PCDH11X: variants seen among roughly 807,000 people sequenced by gnomAD.
The protein encoded by PCDH11X is protocadherin-11 X-linked.
In PCDH11X, 18 loss-of-function variants were observed where a neutral mutation model predicts 53.3. The ratio of observed to expected loss-of-function variants is 0.34; its 90% CI spans 0.23 to 0.50. PCDH11X has a LOEUF of 0.50. Ranked by LOEUF, PCDH11X falls within the 20% of genes least tolerant of loss-of-function variation. The probability of loss-of-function intolerance (pLI) is 0.98; values close to 1 mark genes in which losing one functional copy is unlikely to be tolerated. For missense variants in PCDH11X, 570 were observed against 1,032.4 expected (o/e 0.55, Z 6.14); for synonymous variants, 279 against 393.3 (o/e 0.71, Z 3.44).
intron 4 of PCDH11X, among the ~76,000 whole-genome samples, chrX:91,823,359 T>G (rs1272133029): frequency 9.0e-6 from 1 of 110,972 alleles, no homozygotes; most frequent in Non-Finnish European, 1.9e-5. Flanking sequence ...TGGGTGCTCC[T>G]GTATTGGGTG....
At chrX:92,070,304 T>C (rs2063680022) in intron 6 of PCDH11X, among the ~76,000 whole-genome samples, 2 of 111,961 alleles carry the variant, frequency 1.8e-5, no homozygotes, top group South Asian at 7.3e-4. Flanking sequence ...TCTTGCTCAT[T>C]GTCATCCTTT....
intron 7 of PCDH11X, among the ~76,000 whole-genome samples, chrX:92,219,721 A>G (rs2066819302): frequency 1.1e-5 from 1 of 94,157 alleles, no homozygotes; most frequent in Admixed American, 1.2e-4. Context: ...TGGAACCAAA[A>G]AAGAGCACGC....
intron 10 of PCDH11X, among the ~76,000 whole-genome samples, chrX:92,542,102 A>T (rs2074768711): frequency 8.9e-6 from 1 of 111,924 alleles, no homozygotes; most frequent in Non-Finnish European, 1.9e-5. Flanking sequence ...ATTTTATAGC[A>T]TATTCTCACA....
chrX:91,825,538 G>A (rs765575013), intron 4 of PCDH11X, among the ~76,000 whole-genome samples: 9 of 111,636 alleles, frequency 8.1e-5, no homozygotes, highest in African/African-American at 2.3e-4. Flanking sequence ...TTCAGCTCGC[G>A]CACGGTGCGC....
At chrX:92,100,508 A>C (rs1380979061) in intron 6 of PCDH11X, among the ~76,000 whole-genome samples, 1 of 110,278 alleles carries the variant, frequency 9.1e-6, no homozygotes, top group Non-Finnish European at 1.9e-5. Flanking sequence ...TTCACAAGGT[A>C]ATGTCATCAC....
intron 6 of PCDH11X, among the ~76,000 whole-genome samples, chrX:92,173,079 G>A (rs2065848649): frequency 9.0e-6 from 1 of 111,513 alleles, no homozygotes; most frequent in African/African-American, 3.3e-5. Flanking sequence ...ATATTTCCTA[G>A]CTTTAGGTTG....
At chrX:91,944,565 C>T (rs1250054112) in intron 6 of PCDH11X, among the ~76,000 whole-genome samples, 1 of 106,371 alleles carries the variant, frequency 9.4e-6, no homozygotes, top group African/African-American at 3.4e-5. Flanking sequence ...CCTCATTTTT[C>T]TTAGATTTTT....
At chrX:92,422,743 A>G (rs2072000353) in intron 9 of PCDH11X, among the ~76,000 whole-genome samples, 1 of 112,016 alleles carries the variant, frequency 8.9e-6, no homozygotes, top group Non-Finnish European at 1.9e-5. Context: ...AATGTTTTCC[A>G]TAGTGGTTGT....
intron 8 of PCDH11X, among the ~76,000 whole-genome samples, chrX:92,281,266 A>G (rs895578917): frequency 8.9e-6 from 1 of 111,820 alleles, no homozygotes; most frequent in Non-Finnish European, 1.9e-5. Context: ...AAACACACAT[A>G]CACACGCATA....
intron 10 of PCDH11X, among the ~76,000 whole-genome samples, chrX:92,535,374 A>G (rs2074638491): frequency 9.0e-6 from 1 of 111,603 alleles, no homozygotes; most frequent in Admixed American, 9.5e-5. Flanking sequence ...CTTTGGAGGA[A>G]CACAGATGAA....
rs757411116 is a variant in PCDH11X, at chrX:92,618,471, C to T, written c.3575C>T (p.Thr1192Ile). 1 of 1,211,850 alleles carries T rather than the reference C, an allele frequency of 8.3e-7. No homozygotes were observed. The highest frequency in any genetic ancestry group is 1.1e-6 in the Non-Finnish European group (1 of 895,470). The change falls in exon 11 of 11, where the codon ACC (threonine) becomes ATC (isoleucine). Residue 1192 changes from threonine to isoleucine, a missense_variant. This residue lies in a region of PCDH11X where 234 missense variants were observed against 296.1 expected (regional missense o/e 0.79). Transcript: ENST00000682573. ...CACCACAGCCCACGAGTGACACAGA[C>T]CATTGCTCTCTGCCACAGCCCTCCA... ...TQHHSPRVTQ[T>I]IALCHSPPVT...
At chrX:91,849,063 T>G (rs935954799) in intron 5 of PCDH11X, among the ~76,000 whole-genome samples, 3 of 110,014 alleles carry the variant, frequency 2.7e-5, no homozygotes, top group African/African-American at 9.9e-5. Flanking sequence ...TGAATTAAAT[T>G]TAAGTATCTA....
At chrX:92,313,296 C>A (rs6618957) in intron 8 of PCDH11X, among the ~76,000 whole-genome samples, 6,482 of 109,778 alleles carry the variant, frequency 0.059, 393 homozygotes, top group East Asian at 0.36. Context: ...ACTTTGTCTG[C>A]AGATGATAAC....
intron 1 of PCDH11X, among the ~76,000 whole-genome samples, chrX:91,782,434 T>C (rs1253485350): frequency 9.4e-6 from 1 of 106,022 alleles, no homozygotes; most frequent in Admixed American, 1.0e-4. Flanking sequence ...TAGTAGTAAC[T>C]GGTGTTAAAT....
chrX:92,321,254 G>T (rs2069199033), intron 8 of PCDH11X, among the ~76,000 whole-genome samples: 1 of 101,465 alleles, frequency 9.9e-6, no homozygotes, highest in Non-Finnish European at 2.0e-5. Context: ...GTGCAGTGGC[G>T]CAATCTCGGC....
At chrX:92,434,789 T>G (rs376128320) in intron 9 of PCDH11X, among the ~76,000 whole-genome samples, 2 of 109,882 alleles carry the variant, frequency 1.8e-5, no homozygotes, top group Admixed American at 9.8e-5. Context: ...AGAAGTTTAA[T>G]GGACTCACAG....
At chrX:92,404,774 G>A (rs1285589262) in intron 9 of PCDH11X, among the ~76,000 whole-genome samples, 12 of 99,777 alleles carry the variant, frequency 1.2e-4, no homozygotes, top group Non-Finnish European at 2.0e-4. Flanking sequence ...AAGAAGAACT[G>A]TGAGGGGTAG....
At chrX:92,101,826 C>T (rs1294332893) in intron 6 of PCDH11X, among the ~76,000 whole-genome samples, 6 of 110,405 alleles carry the variant, frequency 5.4e-5, no homozygotes, top group Admixed American at 1.9e-4. Context: ...TGAATAATCC[C>T]TGAGGAGTAG....
chrX:91,814,989 A>G (rs1390055904), intron 4 of PCDH11X, among the ~76,000 whole-genome samples: 1 of 111,600 alleles, frequency 9.0e-6, no homozygotes, highest in South Asian at 3.8e-4. Context: ...TGTTCCAGGA[A>G]CTGTTCTAAG....
Sources: gnomAD v4.1 joint callset for allele counts (sites outside exome capture counted in the v4.1 genomes callset) on GRCh38, gnomAD v4.1.1 for gene constraint, gnomAD v4.1.1 regional missense constraint, MANE v1.5 for transcripts, NCBI Gene and HGNC (gene_info 2026-07-23, HGNC 2026-07-21) for gene names.